EYS: variants seen among roughly 807,000 people sequenced by gnomAD.
The protein encoded by EYS is protein eyes shut homolog.
EYS carries 250 observed loss-of-function variants against 282.1 expected under a neutral mutation model. That is an observed-to-expected ratio of 0.89 (90% confidence interval 0.80 to 0.98). The LOEUF is 0.98. Among genes scored for constraint, EYS ranks in the 50% least tolerant of loss-of-function variants. EYS has a pLI of 0.00. For missense variants in EYS, 4,016 were observed against 3,709.0 expected (o/e 1.08, Z -2.15); for synonymous variants, 1,355 against 1,282.9 (o/e 1.06, Z -1.20).
intron 2 of EYS, among the ~76,000 whole-genome samples, chr6:65,616,792 A>G (rs1462194198): frequency 7.2e-6 from 1 of 137,960 alleles, no homozygotes. Context: ...CTAAAAAAAC[A>G]AAAAAAAAAA....
intron 42 of EYS, among the ~76,000 whole-genome samples, chr6:63,725,023 C>T (rs1421665273): frequency 1.3e-5 from 2 of 152,100 alleles, no homozygotes; most frequent in Admixed American, 6.5e-5. Context: ...CTTGTTATAT[C>T]ACTTGATTAC....
At chr6:65,100,088 T>A (rs138252061) in intron 12 of EYS, among the ~76,000 whole-genome samples, 48 of 151,028 alleles carry the variant, frequency 3.2e-4, no homozygotes, top group African/African-American at 1.2e-3. Flanking sequence ...AATTAAGAAC[T>A]ATTTACAATG....
chr6:64,484,141 C>T, intron 26 of EYS, among the ~76,000 whole-genome samples: 1 of 151,494 alleles, frequency 6.6e-6, no homozygotes, highest in East Asian at 1.9e-4. Context: ...TTATGGTGTT[C>T]CTGTTTATAG....
intron 22 of EYS, among the ~76,000 whole-genome samples, chr6:64,805,557 T>C (rs1240183055): frequency 6.6e-6 from 1 of 151,784 alleles, no homozygotes; most frequent in Admixed American, 6.6e-5. Context: ...TTTATTTATT[T>C]ATCTATGGAA....
intron 37 of EYS, among the ~76,000 whole-genome samples, chr6:63,801,227 C>T (rs1770775548): frequency 6.6e-6 from 1 of 151,736 alleles, no homozygotes; most frequent in Non-Finnish European, 1.5e-5. Context: ...ATTGCTATTG[C>T]AATAGTGTGT....
At chr6:64,121,038 C>G (rs1773571147) in intron 31 of EYS, among the ~76,000 whole-genome samples, 1 of 152,110 alleles carries the variant, frequency 6.6e-6, no homozygotes, top group Non-Finnish European at 1.5e-5. Flanking sequence ...CTCTCAGTTC[C>G]TAGAGGTCAC....
chr6:63,893,645 C>G (rs1203905087), intron 35 of EYS, among the ~76,000 whole-genome samples: 1 of 152,068 alleles, frequency 6.6e-6, no homozygotes, highest in African/African-American at 2.4e-5. Context: ...CTGATGGGTG[C>G]AGCAAACCAC....
chr6:63,975,513 G>A (rs1766793426), intron 35 of EYS, among the ~76,000 whole-genome samples: 1 of 152,028 alleles, frequency 6.6e-6, no homozygotes, highest in Admixed American at 6.6e-5. Context: ...TTAAGTAACA[G>A]TGACCTAAAA....
intron 12 of EYS, among the ~76,000 whole-genome samples, chr6:65,061,290 A>G (rs2150159610): frequency 6.6e-6 from 1 of 152,138 alleles, no homozygotes; most frequent in Middle Eastern, 3.4e-3. Context: ...GTTTGAACAC[A>G]TTCAATAAAA....
At chr6:65,697,010 G>A (rs1052546433) in intron 1 of EYS, among the ~76,000 whole-genome samples, 3 of 151,962 alleles carry the variant, frequency 2.0e-5, no homozygotes, top group African/African-American at 4.8e-5. Flanking sequence ...GAAAAGATTC[G>A]ATAGTTAAAA....
chr6:64,151,311 G>A lies in EYS; in HGVS notation c.6425-69309C>T, dbSNP rs1488861825. Among the ~76,000 whole-genome samples the A allele has an allele frequency of 1.7e-3, 145 of 87,150 alleles. 2 individuals are homozygous for A. The highest frequency in any genetic ancestry group is 7.2e-3 in the African/African-American group (134 of 18,732). 57.2% of individuals were successfully genotyped at this position (87,150 alleles called of 152,430 possible). ...TATATGTTTTCACACGTGTGTGTGT[G>A]TATATTTATATATATATATATATAT... On this transcript the variant is annotated intron_variant, in intron 31 of 42. Coordinates refer to ENST00000503581, the MANE Select transcript of EYS (RefSeq NM_001142800.2).
intron 30 of EYS, among the ~76,000 whole-genome samples, chr6:64,247,024 T>A (rs966725345): frequency 9.9e-5 from 15 of 152,152 alleles, no homozygotes; most frequent in African/African-American, 2.9e-4. Flanking sequence ...TATATAAATA[T>A]GCGATATTTT....
chr6:64,161,370 A>G (rs1775101055), intron 31 of EYS, among the ~76,000 whole-genome samples: 1 of 152,164 alleles, frequency 6.6e-6, no homozygotes, highest in African/African-American at 2.4e-5. Context: ...AGGGGAAGCA[A>G]ATGTTTTTCT....
intron 33 of EYS, among the ~76,000 whole-genome samples, chr6:64,039,697 T>A (rs1468821013): frequency 3.3e-5 from 5 of 152,210 alleles, no homozygotes; most frequent in African/African-American, 1.2e-4. Flanking sequence ...TGAAATTTAT[T>A]TATGAAATGA....
chr6:64,756,239 A>G (rs922781907), intron 22 of EYS, among the ~76,000 whole-genome samples: 3 of 152,182 alleles, frequency 2.0e-5, no homozygotes, highest in African/African-American at 7.2e-5. Context: ...TTTGGATTTT[A>G]TATTTACTTT....
intron 2 of EYS, among the ~76,000 whole-genome samples, chr6:65,572,280 T>C (rs1764505155): frequency 6.6e-6 from 1 of 152,132 alleles, no homozygotes; most frequent in South Asian, 2.1e-4. Flanking sequence ...ATCAATTTCT[T>C]GTAAATTAAA....
At chr6:64,067,904 G>T (rs185281193) in intron 32 of EYS, among the ~76,000 whole-genome samples, 3 of 152,146 alleles carry the variant, frequency 2.0e-5, no homozygotes, top group Admixed American at 2.0e-4. Context: ...TTCTAGTGTA[G>T]ATAGACATTT....
intron 35 of EYS, among the ~76,000 whole-genome samples, chr6:63,982,393 G>A (rs1767141386): frequency 6.6e-6 from 1 of 151,738 alleles, no homozygotes; most frequent in Non-Finnish European, 1.5e-5. Context: ...GGCTTGACTG[G>A]GGAAAGGGCC....
intron 22 of EYS, among the ~76,000 whole-genome samples, chr6:64,787,440 T>C (rs936482050): frequency 3.4e-4 from 52 of 152,000 alleles, no homozygotes; most frequent in African/African-American, 1.2e-3. Context: ...TTGCATATTA[T>C]TTTTAAAAAC....
Sources: allele counts gnomAD v4.1 joint callset (sites outside exome capture counted in the v4.1 genomes callset), GRCh38; gene constraint gnomAD v4.1.1; transcripts MANE v1.5; gene names NCBI Gene and HGNC (gene_info 2026-07-23, HGNC 2026-07-21).